The following ZMYND8 variants were observed in gnomAD, a reference collection of about 807,000 sequenced individuals.
ZMYND8 encodes the protein MYND-type zinc finger-containing chromatin reader ZMYND8.
A neutral mutation model predicts 140.8 loss-of-function variants in ZMYND8; 37 were observed. The ratio of observed to expected loss-of-function variants is 0.26; its 90% CI spans 0.20 to 0.35. The LOEUF (loss-of-function observed/expected upper bound fraction) is 0.35. ZMYND8 is among the 10% of genes least tolerant of loss of function. The pLI, the probability that ZMYND8 is intolerant of heterozygous loss-of-function variation, is 1.00. For missense variants in ZMYND8, 1,068 were observed against 1,570.0 expected (o/e 0.68, Z 5.40); for synonymous variants, 592 against 597.1 (o/e 0.99, Z 0.12).
chr20:47,214,120 G>A (rs929225278), intron 21 of ZMYND8, among the ~76,000 whole-genome samples: 3 of 152,166 alleles, frequency 2.0e-5, no homozygotes, highest in Non-Finnish European at 4.4e-5. Flanking sequence ...AAGCCTTGAC[G>A]TTTTTAAAAC....
intron 17 of ZMYND8, among the ~76,000 whole-genome samples, chr20:47,228,998 T>TC (rs1277278738): frequency 6.6e-6 from 1 of 151,998 alleles, no homozygotes; most frequent in Non-Finnish European, 1.5e-5. Context: ...AGCTTAATTT[T>TC]TTTTTTTTTC....
rs779796771 is a variant in ZMYND8, at chr20:47,238,899, A to G, written c.2524T>C (p.Ser842Pro). 6.2e-7 allele frequency: 1 copy of G among 1,613,990 alleles called. No homozygotes were observed. The highest frequency in any genetic ancestry group is 2.2e-5 in the East Asian group (1 of 44,884). The change falls in exon 15 of 23, where the codon TCA becomes CCA. Residue 842 changes from serine to proline, a missense_variant. This residue lies in a region of ZMYND8 where 383 missense variants were observed against 431.2 expected (regional missense o/e 0.89). Transcript: ENST00000471951. ...TGGGAGGACGTTTGAAACTTACTTG[A>G]TGAGTTCCACACGACCCGCTGCACG... is the stretch of plus-strand genomic sequence containing the variant. ...PAVQRVVWNS[S>P]SKFQTSSQKW...
chr20:47,271,774 C>T (rs982952554), intron 11 of ZMYND8, among the ~76,000 whole-genome samples: 27 of 152,168 alleles, frequency 1.8e-4, no homozygotes, highest in African/African-American at 5.8e-4. Context: ...CTCCACCTCC[C>T]GGGTTCAAGT....
intron 11 of ZMYND8, among the ~76,000 whole-genome samples, chr20:47,271,437 AG>A (rs2075940995): frequency 6.6e-6 from 1 of 152,224 alleles, no homozygotes; most frequent in Non-Finnish European, 1.5e-5. Flanking sequence ...CCTTGGGTTA[AG>A]TGTTATACAC....
At position 47,209,972 on chromosome 20, in the gene ZMYND8, C is replaced by G. The variant is rs1264574124; in HGVS notation, c.*789G>C. On this transcript the variant is annotated 3_prime_UTR_variant, in exon 23 of 23. Transcript: ENST00000471951. Reference sequence around the variant, plus strand: ...GCAAAGATAAGGTTTCTCTTTTTTTCAGAGTTCATGATCCTAAGACTTTCT... The same window carrying G: ...GCAAAGATAAGGTTTCTCTTTTTTTGAGAGTTCATGATCCTAAGACTTTCT... The G allele has an allele frequency of 6.6e-6, 1 of 152,424 alleles. No homozygotes were observed. Among genetic ancestry groups the G allele is most frequent in the Non-Finnish European group, 1.5e-5 (1 of 67,968 alleles). The allele number at this position is 152,424 out of a possible 1,614,324, so 9.4% of individuals were successfully genotyped here.
intron 3 of ZMYND8, among the ~76,000 whole-genome samples, chr20:47,302,632 G>A (rs1191284975): frequency 6.6e-6 from 1 of 152,100 alleles, no homozygotes; most frequent in Non-Finnish European, 1.5e-5. Flanking sequence ...TGGTTACTTG[G>A]TTAAAGATAT....
At chr20:47,296,265 C>A (rs980533253) in intron 4 of ZMYND8, among the ~76,000 whole-genome samples, 1 of 152,190 alleles carries the variant, frequency 6.6e-6, no homozygotes, top group Non-Finnish European at 1.5e-5. Context: ...TCACCCCCCA[C>A]TCCTTCTTCC....
intron 12 of ZMYND8, among the ~76,000 whole-genome samples, chr20:47,251,834 C>T (rs6066249): frequency 0.38 from 57,705 of 151,474 alleles, 11,151 homozygotes; most frequent in South Asian, 0.48. Context: ...TCTGCCCCGC[C>T]CCGCACCATC....
intron 21 of ZMYND8, among the ~76,000 whole-genome samples, chr20:47,219,883 C>T (rs1049350136): frequency 6.6e-6 from 1 of 152,018 alleles, no homozygotes; most frequent in Non-Finnish European, 1.5e-5. Flanking sequence ...GTGTCAGAAC[C>T]TCAGAATAAA....
intron 2 of ZMYND8, among the ~76,000 whole-genome samples, chr20:47,338,171 G>A (rs915559893): frequency 6.6e-6 from 1 of 152,062 alleles, no homozygotes; most frequent in East Asian, 1.9e-4. Context: ...GGGTCCAGGT[G>A]TCCAGGATAT....
intron 2 of ZMYND8, among the ~76,000 whole-genome samples, chr20:47,315,836 C>T (rs2079347126): frequency 6.6e-6 from 1 of 152,116 alleles, no homozygotes; most frequent in Non-Finnish European, 1.5e-5. Context: ...TCACTCACAA[C>T]CCTCTGCCTC....
At chr20:47,311,738 C>T (rs2078948739) in intron 2 of ZMYND8, among the ~76,000 whole-genome samples, 1 of 152,134 alleles carries the variant, frequency 6.6e-6, no homozygotes, top group African/African-American at 2.4e-5. Flanking sequence ...GGTGTGGTGG[C>T]ACACACCTGT....
intron 12 of ZMYND8, among the ~76,000 whole-genome samples, chr20:47,258,449 T>C (rs951593179): frequency 5.9e-5 from 9 of 152,166 alleles, no homozygotes; most frequent in Admixed American, 2.6e-4. Flanking sequence ...GAGAATACAG[T>C]CCTATGAGTC....
intron 12 of ZMYND8, among the ~76,000 whole-genome samples, chr20:47,251,981 T>G (rs1346974362): frequency 6.6e-6 from 1 of 151,322 alleles, no homozygotes; most frequent in African/African-American, 2.4e-5. Context: ...AAAAGTTTAT[T>G]TAAAAAAAAA....
intron 14 of ZMYND8, among the ~76,000 whole-genome samples, chr20:47,241,537 T>G (rs962376192): frequency 3.3e-5 from 5 of 151,920 alleles, no homozygotes; most frequent in African/African-American, 1.2e-4. Flanking sequence ...ACAGAGCATT[T>G]GAGTAAGTGA....
chr20:47,282,267 A>T, intron 9 of ZMYND8, 50 bp from the exon 10 acceptor site: 1 of 1,529,830 alleles, frequency 6.5e-7, no homozygotes, highest in Non-Finnish European at 9.0e-7. Context: ...TGACAGCAAG[A>T]TACTCACTAA....
intron 14 of ZMYND8, among the ~76,000 whole-genome samples, chr20:47,245,307 C>T (rs796223234): frequency 5.9e-5 from 9 of 152,130 alleles, no homozygotes; most frequent in East Asian, 1.9e-4. Context: ...AGTGCAGTGG[C>T]GCAATCTCAG....
chr20:47,215,056 T>C lies in ZMYND8; in HGVS notation c.3485-2331A>G, dbSNP rs187067331. Among the ~76,000 whole-genome samples the C allele has an allele frequency of 1.8e-3, 272 of 152,226 alleles. 3 individuals carry two copies. In the East Asian group the frequency reaches 0.024, roughly 13 times the overall value. ...GGCAACAAGGCAAGATCCTGTCTCT[T>C]AGGTTTCAAAACAACATTTAGAATT... is the stretch of plus-strand genomic sequence containing the variant. On this transcript the variant is annotated intron_variant, in intron 21 of 22. Coordinates refer to ENST00000471951, the MANE Select transcript of ZMYND8 (RefSeq NM_001281775.3).
intron 12 of ZMYND8, among the ~76,000 whole-genome samples, chr20:47,249,812 G>T (rs1282302267): frequency 1.3e-5 from 2 of 152,190 alleles, no homozygotes; most frequent in East Asian, 1.9e-4. Flanking sequence ...GCAACACTGA[G>T]CCTGGTCAAG....
Sources: gnomAD v4.1 joint callset for allele counts (sites outside exome capture counted in the v4.1 genomes callset) on GRCh38, gnomAD v4.1.1 for gene constraint, gnomAD v4.1.1 regional missense constraint, MANE v1.5 for transcripts, NCBI Gene and HGNC (gene_info 2026-07-23, HGNC 2026-07-21) for gene names.